B4GALT2: variants seen among roughly 807,000 people sequenced by gnomAD.
B4GALT2 encodes the protein beta-1,4-galactosyltransferase 2.
In B4GALT2, 18 loss-of-function variants were observed where a neutral mutation model predicts 33.2. The observed-to-expected ratio is 0.54, with a 90% CI of 0.38 to 0.80. B4GALT2 has a LOEUF of 0.80. B4GALT2 is among the 30% of genes least tolerant of loss of function. The pLI, the probability that B4GALT2 is intolerant of heterozygous loss-of-function variation, is 0.00. For missense variants in B4GALT2, 404 were observed against 526.2 expected, an observed-to-expected ratio of 0.77 and a Z score of 2.27; for synonymous variants, 214 against 217.6, an observed-to-expected ratio of 0.98 and a Z score of 0.15.
Position 43,990,699 on chromosome 1 carries a change from C to T in B4GALT2, c.*251C>T. The T allele has an allele frequency of 1.9e-6, 1 of 532,250 alleles. No homozygotes were observed. Among genetic ancestry groups the T allele is most frequent in the Non-Finnish European group, 3.4e-6 (1 of 297,252 alleles). The allele number at this position is 532,250 out of a possible 1,614,324, so 33.0% of individuals were successfully genotyped here. ...CCTTCCCGACCCCCTCCCCCTAGCC[C>T]AGCCCCAGTCACTGTCAGGGTCGGG... On this transcript the variant is annotated 3_prime_UTR_variant, in exon 7 of 7. Coordinates refer to ENST00000372324, the MANE Select transcript of B4GALT2 (RefSeq NM_003780.5).
chr1:43,980,621 G>C, intron 1 of B4GALT2: 2 of 988,116 alleles, frequency 2.0e-6, no homozygotes, highest in Non-Finnish European at 1.2e-6. Flanking sequence ...CATGGTAGGT[G>C]CACAGTATTC....
In B4GALT2 at chr1:43,979,732, C is replaced by A; in HGVS notation, c.-53+221C>A. ...CAGCCGGCCTCCCTCATTGTCCTCG[C>A]TCGCCCCGGCCTCGTGGCGCGGGGA... On this transcript the variant is annotated intron_variant, in intron 1 of 6. Coordinates refer to ENST00000372324, the MANE Select transcript of B4GALT2 (RefSeq NM_003780.5). The surrounding 1 kb of genome is among the most constrained non-coding windows in gnomAD (Gnocchi z 4.8). 2.7e-6 allele frequency: 1 copy of A among 372,112 alleles called. No homozygotes were observed. Among genetic ancestry groups the A allele is most frequent in the South Asian group, 3.7e-5 (1 of 27,206 alleles). The allele number at this position is 372,112 out of a possible 1,614,324, so 23.1% of individuals were successfully genotyped here.
In B4GALT2 at chr1:43,985,311, A is replaced by C. The variant is rs550896300; in HGVS notation, c.774A>C (p.Ser258=). The C allele has an allele frequency of 1.9e-6, 3 of 1,613,408 alleles. No homozygotes were observed. In the Admixed American group the frequency reaches 5.0e-5, roughly 27 times the overall value. Residue 258 remains serine, a synonymous_variant, in exon 5 of 7, where the codon TCA becomes TCC. Coordinates refer to ENST00000372324, the MANE Select transcript of B4GALT2 (RefSeq NM_003780.5). ...ATGCTGGCTACTTTGGAGGTGTGTCAGGCCTGAGTAAGGCTCAGTTTCTGA... is the reference window on the plus strand; with the variant it reads ...ATGCTGGCTACTTTGGAGGTGTGTCCGGCCTGAGTAAGGCTCAGTTTCTGA... ...LPYAGYFGGV[S]GLSKAQFLRI... is the part of the protein sequence containing the mutation.
intron 6 of B4GALT2, among the ~76,000 whole-genome samples, chr1:43,988,846 CAAAAA>C (rs71036648): frequency 5.2e-5 from 5 of 95,306 alleles, no homozygotes; most frequent in African/African-American, 1.3e-4. Flanking sequence ...GACTCTGTCT[CAAAAA>C]AAAAAAAAAA....
At chr1:43,989,457 G>C (rs2085698145) in intron 6 of B4GALT2, among the ~76,000 whole-genome samples, 1 of 152,184 alleles carries the variant, frequency 6.6e-6, no homozygotes, top group South Asian at 2.1e-4. Context: ...GCCTTAACAG[G>C]CACTTTGAGG....
chr1:43,981,266 G>T lies in B4GALT2; in HGVS notation c.106G>T (p.Ala36Ser). 1 of 1,606,774 alleles carries T rather than the reference G, an allele frequency of 6.2e-7. No individual in the cohort carries two copies. Residue 36 changes from alanine to serine, a missense_variant, in exon 2 of 7, where the codon GCC becomes TCC. Coordinates refer to ENST00000372324, the MANE Select transcript of B4GALT2 (RefSeq NM_003780.5). The surrounding 1 kb of genome is among the most constrained non-coding windows in gnomAD (Gnocchi z 8.1). Reference protein sequence around the residue: ...VAVILYFDVYAQHLAFFSRFS... With the variant: ...VAVILYFDVYSQHLAFFSRFS... ...CGTCATCCTCTACTTTGACGTCTAC[G>T]CCCAGCACCTGGCCTTCTTCAGCCG...
intron 6 of B4GALT2, among the ~76,000 whole-genome samples, chr1:43,988,490 C>G (rs146141713): frequency 2.6e-5 from 4 of 151,902 alleles, no homozygotes; most frequent in Non-Finnish European, 4.4e-5. Flanking sequence ...AACCCCATCT[C>G]TACTAAAAAT....
Position 43,979,814 on chromosome 1 carries a change from TC to T in B4GALT2, c.-53+308del. On this transcript the variant is annotated intron_variant, in intron 1 of 6. Transcript: ENST00000372324. The surrounding 1 kb of genome is among the most constrained non-coding windows in gnomAD (Gnocchi z 4.8). ...GCCTCATCCGCTGCCCTCCACCCAC[TC>T]CCCCTGCCCCCAGGCTCCACACCCA... 1.8e-6 allele frequency: 1 copy of T among 542,814 alleles called. No individual in the cohort carries two copies. The highest frequency in any genetic ancestry group is 3.3e-6 in the Non-Finnish European group (1 of 306,272). 33.6% of individuals were successfully genotyped at this position (542,814 alleles called of 1,614,324 possible). A position where few individuals can be genotyped will look rare whatever the true frequency, so the allele number is the denominator to read the frequency against.
rs1054641448 is a variant in B4GALT2, at chr1:43,985,704, T to A, written c.968+83T>A. 13 of 1,360,864 alleles carry A rather than the reference T, an allele frequency of 9.6e-6. No individual in the cohort carries two copies. In the South Asian group the frequency reaches 1.4e-4, roughly 15 times the overall value. The allele number at this position is 1,360,864 out of a possible 1,614,324, so 84.3% of individuals were successfully genotyped here. A position where few individuals can be genotyped will look rare whatever the true frequency, so the allele number is the denominator to read the frequency against. ...TCTTGACCCCAAGTGGCCCAATCCC[T>A]GATCCCCCAGTGGGGGACCTCCAAG... On this transcript the variant is annotated intron_variant, in intron 6 of 6. Coordinates refer to ENST00000372324, the MANE Select transcript of B4GALT2 (RefSeq NM_003780.5).
intron 6 of B4GALT2, among the ~76,000 whole-genome samples, chr1:43,988,704 G>A (rs940092813): frequency 3.3e-5 from 5 of 151,996 alleles, no homozygotes; most frequent in Non-Finnish European, 5.9e-5. Flanking sequence ...ACAAAAAGCC[G>A]GACGTGGTGG....
intron 1 of B4GALT2, chr1:43,980,081 G>A (rs1259528825): frequency 6.8e-7 from 1 of 1,469,710 alleles, no homozygotes; most frequent in Non-Finnish European, 9.0e-7. Context: ...CTGTCACCCG[G>A]GTGTGTCTGT....
Position 43,982,061 on chromosome 1 carries a change from G to C in B4GALT2, c.549+137G>C. The C allele has an allele frequency of 6.0e-6, 5 of 827,280 alleles. No individual in the cohort carries two copies. Among genetic ancestry groups the C allele is most frequent in the Non-Finnish European group, 9.5e-6 (5 of 525,844 alleles). The allele number at this position is 827,280 out of a possible 1,614,324, so 51.2% of individuals were successfully genotyped here. A position where few individuals can be genotyped will look rare whatever the true frequency, so the allele number is the denominator to read the frequency against. ...GGTGTTTGTCAGTGTGCACAGGAAT[G>C]TGTACGCACAGTGTGTGCATGTGAA... is the stretch of plus-strand genomic sequence containing the variant. On this transcript the variant is annotated intron_variant, in intron 3 of 6. Coordinates refer to ENST00000372324, the MANE Select transcript of B4GALT2 (RefSeq NM_003780.5). The surrounding 1 kb of genome is among the most constrained non-coding windows in gnomAD (Gnocchi z 4.3).
rs537569909 is a variant in B4GALT2, at chr1:43,982,066, C to A, written c.549+142C>A. The A allele has an allele frequency of 9.9e-6, 8 of 809,538 alleles. No individual in the cohort carries two copies. The highest frequency in any genetic ancestry group is 1.4e-5 in the Non-Finnish European group (7 of 511,076). 50.1% of individuals were successfully genotyped at this position (809,538 alleles called of 1,614,324 possible). A position where few individuals can be genotyped will look rare whatever the true frequency, so the allele number is the denominator to read the frequency against. ...TTGTCAGTGTGCACAGGAATGTGTACGCACAGTGTGTGCATGTGAATGTTG... is the reference window on the plus strand; with the variant it reads ...TTGTCAGTGTGCACAGGAATGTGTAAGCACAGTGTGTGCATGTGAATGTTG... On this transcript the variant is annotated intron_variant, in intron 3 of 6. Coordinates refer to ENST00000372324, the MANE Select transcript of B4GALT2 (RefSeq NM_003780.5). The surrounding 1 kb of genome is among the most constrained non-coding windows in gnomAD (Gnocchi z 4.3).
intron 6 of B4GALT2, 98 bp downstream of exon 6, chr1:43,985,719 G>T: frequency 8.8e-7 from 1 of 1,131,994 alleles, no homozygotes; most frequent in Non-Finnish European, 1.3e-6. Context: ...CCCCAGTGGG[G>T]GACCTCCAAG....
rs2085630845 is a variant in B4GALT2 at position 43,984,112 on chromosome 1, C to T, written c.550-753C>T. Among the ~76,000 whole-genome samples the T allele has an allele frequency of 1.3e-5, 2 of 152,336 alleles. No homozygotes were observed. Among genetic ancestry groups the T allele is most frequent in the Admixed American group, 1.3e-4 (2 of 15,306 alleles). On this transcript the variant is annotated intron_variant, in intron 3 of 6. Transcript: ENST00000372324. This position sits in a 1 kb window ranked among gnomAD's most constrained non-coding sequence, Gnocchi z 5.6. ...TGCTTAGGCCTACATGGCCAGGACC[C>T]CTGCAGCCCCAATTCTCAGGGGACC...
At chr1:43,986,618 C>T (rs959667619) in intron 6 of B4GALT2, among the ~76,000 whole-genome samples, 3 of 152,036 alleles carry the variant, frequency 2.0e-5, no homozygotes, top group Admixed American at 6.6e-5. Context: ...GACAGTGGGG[C>T]GGGGGAAAGT....
rs1056586100 is a variant in B4GALT2 at position 43,981,794 on chromosome 1, C to A, written c.419C>A (p.Thr140Asn). The change falls in exon 3 of 7, where the codon ACC becomes AAC. Residue 140 changes from threonine to asparagine, a missense_variant. Thr to Asn is a moderately conservative substitution (Grantham distance 65). Coordinates refer to ENST00000372324, the MANE Select transcript of B4GALT2 (RefSeq NM_003780.5). The surrounding 1 kb of genome is among the most constrained non-coding windows in gnomAD (Gnocchi z 8.1). Reference sequence around the variant, plus strand: ...GGCCGATACACACCGCCCGACTGCACCCCAGCCCAGACGGTGGCGGTCATC... The same window carrying A: ...GGCCGATACACACCGCCCGACTGCAACCCAGCCCAGACGGTGGCGGTCATC... ...MGGRYTPPDC[T>N]PAQTVAVIIP... The A allele has an allele frequency of 1.2e-6, 2 of 1,613,816 alleles. No homozygotes were observed.
rs2085567122 is a variant in B4GALT2 at position 43,979,310 on chromosome 1, C to A, written c.-254C>A. ...CCCGGCCGCCCGGCCCCGCCCTGCC[C>A]CCCGGGGCGGCTCGGCTCCATGGCC... On this transcript the variant is annotated 5_prime_UTR_variant, in exon 1 of 7. Transcript: ENST00000372324. The surrounding 1 kb of genome is among the most constrained non-coding windows in gnomAD (Gnocchi z 4.8). The A allele has an allele frequency of 6.8e-6, 1 of 146,632 alleles. No individual in the cohort carries two copies. The highest frequency in any genetic ancestry group is 2.5e-5 in the African/African-American group (1 of 40,766). The allele number at this position is 146,632 out of a possible 1,614,324, so 9.1% of individuals were successfully genotyped here. A position where few individuals can be genotyped will look rare whatever the true frequency, so the allele number is the denominator to read the frequency against.
In B4GALT2 at chr1:43,981,054, G is replaced by A; in HGVS notation, c.-52-55G>A. ...CAGCTGAGTGGGAGGTAGGTGGGCAGCCTTGCCTGTCCTGCCCTGACCTGC... is the reference window on the plus strand; with the variant it reads ...CAGCTGAGTGGGAGGTAGGTGGGCAACCTTGCCTGTCCTGCCCTGACCTGC... On this transcript the variant is annotated intron_variant, in intron 1 of 6. Coordinates refer to ENST00000372324, the MANE Select transcript of B4GALT2 (RefSeq NM_003780.5). This position sits in a 1 kb window ranked among gnomAD's most constrained non-coding sequence, Gnocchi z 8.1. 1 of 1,477,706 alleles carries A rather than the reference G, an allele frequency of 6.8e-7. No individual in the cohort carries two copies. The highest frequency in any genetic ancestry group is 9.0e-7 in the Non-Finnish European group (1 of 1,113,580). 91.5% of individuals were successfully genotyped at this position (1,477,706 alleles called of 1,614,324 possible).
Sources: allele counts gnomAD v4.1 joint callset (sites outside exome capture counted in the v4.1 genomes callset), GRCh38; gene constraint gnomAD v4.1.1; non-coding constraint Gnocchi (gnomAD v3.1); transcripts MANE v1.5; gene names NCBI Gene and HGNC (gene_info 2026-07-23, HGNC 2026-07-21).